PRKN: variants seen among roughly 807,000 people sequenced by gnomAD.
The protein encoded by PRKN is E3 ubiquitin-protein ligase parkin.
Under a neutral mutation model 59.5 loss-of-function variants are expected in PRKN, and 56 were observed. The observed-to-expected ratio is 0.94, with a 90% CI of 0.76 to 1.18. The LOEUF is 1.18. Among genes scored for constraint, PRKN ranks in the 50% most tolerant of loss-of-function variants. The pLI, the probability that PRKN is intolerant of heterozygous loss-of-function variation, is 0.00. For synonymous variants in PRKN, 250 were observed against 222.1 expected (o/e 1.13, Z -1.12); for missense variants, 657 against 596.4 (o/e 1.10, Z -1.06).
At chr6:161,646,671 T>C (rs1261413488) in intron 7 of PRKN, among the ~76,000 whole-genome samples, 1 of 152,194 alleles carries the variant, frequency 6.6e-6, no homozygotes, top group Non-Finnish European at 1.5e-5. Flanking sequence ...GTGACAGGGC[T>C]CATTGTATGG....
chr6:162,018,896 T>TA (rs1783028621), intron 5 of PRKN, among the ~76,000 whole-genome samples: 1 of 152,230 alleles, frequency 6.6e-6, no homozygotes, highest in Non-Finnish European at 1.5e-5. Context: ...CACCTGTTTT[T>TA]ATATTATTAT....
chr6:162,020,276 G>A (rs892991314), intron 5 of PRKN, among the ~76,000 whole-genome samples: 2 of 128,170 alleles, frequency 1.6e-5, no homozygotes, highest in African/African-American at 2.8e-5. Context: ...TATAGGGAGA[G>A]CTTGGATGGA....
chr6:162,543,484 C>T (rs1186059532), intron 1 of PRKN, among the ~76,000 whole-genome samples: 1 of 152,012 alleles, frequency 6.6e-6, no homozygotes, highest in Non-Finnish European at 1.5e-5. Context: ...CTCTTCCCAG[C>T]CCAATCCTAA....
In PRKN at chr6:161,357,214, G is replaced by A. The variant is rs1784792432; in HGVS notation, c.1285+2874C>T. Among the ~76,000 whole-genome samples, 1 of 152,148 alleles carries A rather than the reference G, an allele frequency of 6.6e-6. No individual in the cohort carries two copies. Among genetic ancestry groups the A allele is most frequent in the African/African-American group, 2.4e-5 (1 of 41,428 alleles). On this transcript the variant is annotated intron_variant, in intron 11 of 11. Transcript: ENST00000366898. This position sits in a 1 kb window ranked among gnomAD's most constrained non-coding sequence, Gnocchi z 5.5. ...CTACAGGCATGTACCACCATGCCCA[G>A]CTAACTTTTCTATTTTTAGTGGAGA... is the stretch of plus-strand genomic sequence containing the variant.
intron 1 of PRKN, among the ~76,000 whole-genome samples, chr6:162,482,134 C>T (rs1278673303): frequency 6.6e-6 from 1 of 152,110 alleles, no homozygotes; most frequent in Non-Finnish European, 1.5e-5. Flanking sequence ...GGTGTGATAA[C>T]CTTATCTCCT....
intron 2 of PRKN, among the ~76,000 whole-genome samples, chr6:162,423,108 A>T: frequency 6.6e-6 from 1 of 152,196 alleles, no homozygotes; most frequent in East Asian, 1.9e-4. Context: ...CATTTCCCTT[A>T]CATATAAAAA....
At chr6:162,637,573 C>T (rs1777777350) in intron 1 of PRKN, among the ~76,000 whole-genome samples, 1 of 152,116 alleles carries the variant, frequency 6.6e-6, no homozygotes, top group African/African-American at 2.4e-5. Flanking sequence ...GACATTCCTT[C>T]TATCCACACA....
intron 1 of PRKN, among the ~76,000 whole-genome samples, chr6:162,554,424 C>T (rs1244189502): frequency 1.3e-5 from 2 of 152,134 alleles, no homozygotes; most frequent in African/African-American, 4.8e-5. Context: ...ATCACTTGAA[C>T]TCGGGAGGCA....
At chr6:162,348,636 T>C (rs1784502308) in intron 2 of PRKN, among the ~76,000 whole-genome samples, 1 of 152,204 alleles carries the variant, frequency 6.6e-6, no homozygotes, top group Admixed American at 6.5e-5. Context: ...TATTGTCATC[T>C]TTGTAAGTCT....
intron 7 of PRKN, among the ~76,000 whole-genome samples, chr6:161,661,075 C>T (rs1784526682): frequency 6.6e-6 from 1 of 152,194 alleles, no homozygotes; most frequent in Non-Finnish European, 1.5e-5. Context: ...AAACCTCCAT[C>T]ATCTCTGATC....
rs890364014 is a variant in PRKN, at chr6:161,466,322, T to G, written c.1084-79445A>C. Among the ~76,000 whole-genome samples, 1 of 152,252 alleles carries G rather than the reference T, an allele frequency of 6.6e-6. No homozygotes were observed. The highest frequency in any genetic ancestry group is 6.5e-5 in the Admixed American group (1 of 15,288). On this transcript the variant is annotated intron_variant, in intron 9 of 11. Coordinates refer to ENST00000366898, the MANE Select transcript of PRKN (RefSeq NM_004562.3). This position sits in a 1 kb window ranked among gnomAD's most constrained non-coding sequence, Gnocchi z 5.0. ...TCTTCCAGGAAAGTCTTATTACTTTTAGTAATTTTCTTCACTTAGGTTTTT... is the reference window on the plus strand; with the variant it reads ...TCTTCCAGGAAAGTCTTATTACTTTGAGTAATTTTCTTCACTTAGGTTTTT...
intron 5 of PRKN, among the ~76,000 whole-genome samples, chr6:162,043,241 A>C (rs1332883208): frequency 1.3e-5 from 2 of 152,200 alleles, no homozygotes; most frequent in Non-Finnish European, 2.9e-5. Flanking sequence ...GGGAGACACA[A>C]TTCAAGCTGA....
In PRKN at chr6:162,347,615, G is replaced by T. The variant is rs143708618; in HGVS notation, c.172-84850C>A. Among the ~76,000 whole-genome samples, 583 of 152,050 alleles carry T rather than the reference G, an allele frequency of 3.8e-3. 6 individuals are homozygous for T. The highest frequency in any genetic ancestry group is 0.014 in the African/African-American group (561 of 41,500). On this transcript the variant is annotated intron_variant, in intron 2 of 11. Coordinates refer to ENST00000366898, the MANE Select transcript of PRKN (RefSeq NM_004562.3). ...ATATCACATTTATAAATTTGTGTCA[G>T]ATATAGTACTTATGTATATATATAT...
Position 161,376,182 on chromosome 6 carries a change from T to C in PRKN, c.1167+10612A>G, listed in dbSNP as rs1785693877. Among the ~76,000 whole-genome samples, 1 of 152,076 alleles carries C rather than the reference T, an allele frequency of 6.6e-6. No individual in the cohort carries two copies. The highest frequency in any genetic ancestry group is 2.1e-4 in the South Asian group (1 of 4,834). On this transcript the variant is annotated intron_variant, in intron 10 of 11. Coordinates refer to ENST00000366898, the MANE Select transcript of PRKN (RefSeq NM_004562.3). The surrounding 1 kb of genome is among the most constrained non-coding windows in gnomAD (Gnocchi z 7.3). ...GGGAGGTGCACCTCCTAGCCTCTCC[T>C]GGACTGTAACTCTGAAGGGGTGGGT... is the stretch of plus-strand genomic sequence containing the variant.
intron 6 of PRKN, among the ~76,000 whole-genome samples, chr6:161,845,790 G>A (rs1793175005): frequency 6.6e-6 from 1 of 152,164 alleles, no homozygotes; most frequent in South Asian, 2.1e-4. Flanking sequence ...ATTTGTAAAA[G>A]AGACCCAAGC....
chr6:161,617,187 G>C (rs1212830545), intron 7 of PRKN, among the ~76,000 whole-genome samples: 2 of 152,076 alleles, frequency 1.3e-5, no homozygotes, highest in African/African-American at 2.4e-5. Flanking sequence ...TCATATGCTT[G>C]TTGGCCGCGT....
chr6:162,157,692 T>C (rs1345301805), intron 4 of PRKN, among the ~76,000 whole-genome samples: 3 of 152,046 alleles, frequency 2.0e-5, no homozygotes, highest in Admixed American at 2.0e-4. Context: ...TGGCGGACTA[T>C]ATTAATTTCA....
chr6:162,365,242 T>A (rs1785372973), intron 2 of PRKN, among the ~76,000 whole-genome samples: 1 of 152,180 alleles, frequency 6.6e-6, no homozygotes, highest in Admixed American at 6.6e-5. Context: ...ATTTTGATAT[T>A]GTATTTTGTA....
chr6:161,573,704 A>G lies in PRKN; in HGVS notation c.872-4288T>C, dbSNP rs577588875. Among the ~76,000 whole-genome samples, 272 of 123,168 alleles carry G rather than the reference A, an allele frequency of 2.2e-3. 1 individual carries two copies. Among genetic ancestry groups the G allele is most frequent in the African/African-American group, 7.7e-3 (258 of 33,314 alleles). 80.8% of individuals were successfully genotyped at this position (123,168 alleles called of 152,430 possible). A position where few individuals can be genotyped will look rare whatever the true frequency, so the allele number is the denominator to read the frequency against. On this transcript the variant is annotated intron_variant, in intron 7 of 11. Coordinates refer to ENST00000366898, the MANE Select transcript of PRKN (RefSeq NM_004562.3). Reference sequence around the variant, plus strand: ...CACTGCGTTCCAGCCTGGGCGACAGAGCGAGACTCCGTCTCAAAAAAAAAA... The same window carrying G: ...CACTGCGTTCCAGCCTGGGCGACAGGGCGAGACTCCGTCTCAAAAAAAAAA...
Sources: allele counts gnomAD v4.1 joint callset (sites outside exome capture counted in the v4.1 genomes callset), GRCh38; gene constraint gnomAD v4.1.1; non-coding constraint Gnocchi (gnomAD v3.1); transcripts MANE v1.5; gene names NCBI Gene and HGNC (gene_info 2026-07-23, HGNC 2026-07-21).